Variants in EIF3M observed in about 807,000 individuals in gnomAD.
EIF3M encodes the protein B5 receptor.
A neutral mutation model predicts 49.7 loss-of-function variants in EIF3M; 25 were observed. That is an observed-to-expected ratio of 0.50 (90% CI 0.37 to 0.70). EIF3M has a LOEUF of 0.70. EIF3M is among the 30% of genes least tolerant of loss of function. The pLI is 0.00. For synonymous variants in EIF3M, 156 were observed against 149.8 expected, an observed-to-expected ratio of 1.04 and a Z score of -0.30; for missense variants, 350 against 440.0, an observed-to-expected ratio of 0.80 and a Z score of 1.83.
intron 8 of EIF3M, among the ~76,000 whole-genome samples, chr11:32,599,148 C>G (rs990215786): frequency 5.3e-5 from 8 of 152,056 alleles, no homozygotes; most frequent in Admixed American, 4.6e-4. Flanking sequence ...ACACTGACAA[C>G]TTAGGCCAAC....
At chr11:32,595,139 A>G (rs1469233270) in intron 7 of EIF3M, 126 bp downstream of exon 7, 14 of 770,564 alleles carry the variant, frequency 1.8e-5, no homozygotes, top group Non-Finnish European at 2.7e-5. Flanking sequence ...ATTAAGAACT[A>G]TGTATTCTTT....
chr11:32,598,287 G>C (rs990086700), intron 8 of EIF3M, among the ~76,000 whole-genome samples: 2 of 151,982 alleles, frequency 1.3e-5, no homozygotes, highest in African/African-American at 2.4e-5. Context: ...TTAAGACAGG[G>C]GTCAGTGACA....
chr11:32,602,582 T>C lies in EIF3M; in HGVS notation c.*183T>C, dbSNP rs1855287663. 28 of 810,842 alleles carry C rather than the reference T, an allele frequency of 3.5e-5. No individual in the cohort carries two copies. The South Asian group carries it at 5.4e-4, about 16-fold the overall frequency. The allele number at this position is 810,842 out of a possible 1,614,324, so 50.2% of individuals were successfully genotyped here. The stretch of plus-strand genomic sequence containing the variant: ...GTCACAATGTCTGTCATACAATACA[T>C]AAATTCTGTTCTTTAAAAAAGGATA... On this transcript the variant is annotated 3_prime_UTR_variant, in exon 11 of 11. Coordinates refer to ENST00000531120, the MANE Select transcript of EIF3M (RefSeq NM_006360.6).
Position 32,604,433 on chromosome 11 carries a change from C to T in EIF3M, c.*2034C>T, listed in dbSNP as rs189214636. ...GTGTTTTAGTTGAAAGGGATATACA[C>T]GTGTATTTTAGAAATATGAAACAGG... On this transcript the variant is annotated 3_prime_UTR_variant, in exon 11 of 11. Transcript: ENST00000531120. 14 of 152,224 alleles carry T rather than the reference C, an allele frequency of 9.2e-5. No individual in the cohort carries two copies. Among genetic ancestry groups the T allele is most frequent in the Admixed American group, 3.9e-4 (6 of 15,296 alleles). The allele number at this position is 152,224 out of a possible 1,614,324, so 9.4% of individuals were successfully genotyped here. A position where few individuals can be genotyped will look rare whatever the true frequency, so the allele number is the denominator to read the frequency against.
chr11:32,594,713 A>G, intron 6 of EIF3M: 1 of 407,546 alleles, frequency 2.5e-6, no homozygotes, highest in Non-Finnish European at 4.4e-6. Context: ...TACAATTAAT[A>G]TATTTCATTT....
At chr11:32,600,557 A>G (rs1476255564) in intron 8 of EIF3M, 132 bp from the exon 9 acceptor site, 46 of 1,121,760 alleles carry the variant, frequency 4.1e-5, no homozygotes, top group Non-Finnish European at 4.9e-5. Flanking sequence ...AAATTGTTCT[A>G]TATAAGTGCT....
intron 8 of EIF3M, 99 bp from the exon 9 acceptor site, chr11:32,600,590 C>A (rs933791406): frequency 7.5e-7 from 1 of 1,326,700 alleles, no homozygotes; most frequent in Admixed American, 3.4e-5. Flanking sequence ...TCCACAATTA[C>A]AAAAGTAAAA....
intron 8 of EIF3M, among the ~76,000 whole-genome samples, chr11:32,598,797 G>A (rs1255180988): frequency 6.6e-6 from 1 of 151,888 alleles, no homozygotes; most frequent in Admixed American, 6.6e-5. Flanking sequence ...TATTGAAAGA[G>A]AGTTGTCTGT....
At chr11:32,592,478 G>A in intron 5 of EIF3M, 1 of 528,198 alleles carries the variant, frequency 1.9e-6, no homozygotes, top group Admixed American at 2.1e-5. Context: ...TGTTGGATGG[G>A]CACTGGGCTT....
chr11:32,586,062 T>G (rs533317198), intron 1 of EIF3M, among the ~76,000 whole-genome samples: 2 of 152,278 alleles, frequency 1.3e-5, no homozygotes, highest in East Asian at 3.9e-4. Context: ...AAACCCTGCC[T>G]CTACTAAAAA....
rs1401439473 is a variant in EIF3M at position 32,603,976 on chromosome 11, A to G, written c.*1577A>G. On this transcript the variant is annotated 3_prime_UTR_variant, in exon 11 of 11. Coordinates refer to ENST00000531120, the MANE Select transcript of EIF3M (RefSeq NM_006360.6). ...CAGCTCCTCGGAGGGCTGAGGTGCA[A>G]GGATCATTTGAGCCCAGGAGGTGAA... The G allele has an allele frequency of 1.3e-5, 2 of 152,260 alleles. No individual in the cohort carries two copies. Among genetic ancestry groups the G allele is most frequent in the Non-Finnish European group, 2.9e-5 (2 of 68,084 alleles). The allele number at this position is 152,260 out of a possible 1,614,324, so 9.4% of individuals were successfully genotyped here. A position where few individuals can be genotyped will look rare whatever the true frequency, so the allele number is the denominator to read the frequency against.
intron 5 of EIF3M, chr11:32,591,910 C>A: frequency 7.5e-6 from 2 of 267,696 alleles, no homozygotes; most frequent in South Asian, 9.5e-5. Flanking sequence ...TATCCAAAAT[C>A]ATTATAGTTC....
chr11:32,588,017 C>G (rs1855026817), intron 2 of EIF3M, among the ~76,000 whole-genome samples: 1 of 152,178 alleles, frequency 6.6e-6, no homozygotes, highest in Admixed American at 6.5e-5. Context: ...ATACCAGTAA[C>G]TTCCAAATGA....
intron 5 of EIF3M, chr11:32,592,274 TAA>T (rs1358238724): frequency 4.2e-6 from 2 of 476,168 alleles, no homozygotes; most frequent in Non-Finnish European, 8.0e-6. Flanking sequence ...TAACGCCTGT[TAA>T]TAGAGTGTTA....
In EIF3M at chr11:32,602,361, A is replaced by G. The variant is rs1565052290; in HGVS notation, c.1087A>G (p.Lys363Glu). The change falls in exon 11 of 11, where the codon AAA becomes GAA. Residue 363 changes from lysine (K) to glutamate (E), a missense_variant. Lys to Glu is a moderately conservative substitution (Grantham distance 56, BLOSUM62 1). Transcript: ENST00000531120. ...TLNAWKQNLN[K>E]VKNSLLSLSD... Reference sequence around the variant, plus strand: ...TAATGCCTGGAAACAAAATCTGAACAAAGTGAAAAACAGCCTTTTGAGTCT... The same window carrying G: ...TAATGCCTGGAAACAAAATCTGAACGAAGTGAAAAACAGCCTTTTGAGTCT... 2 of 1,612,486 alleles carry G rather than the reference A, an allele frequency of 1.2e-6. No individual in the cohort carries two copies. Among genetic ancestry groups the G allele is most frequent in the Non-Finnish European group, 1.7e-6 (2 of 1,178,954 alleles).
At chr11:32,602,236 C>T in intron 10 of EIF3M, 43 bp from the exon 11 acceptor site, 1 of 1,592,280 alleles carries the variant, frequency 6.3e-7, no homozygotes, top group Non-Finnish European at 8.6e-7. Flanking sequence ...ATACCAGAGG[C>T]TAAAAGGTTG....
At chr11:32,588,828 C>G in intron 3 of EIF3M, 96 bp downstream of exon 3, 2 of 1,574,860 alleles carry the variant, frequency 1.3e-6, no homozygotes, top group East Asian at 2.2e-5. Flanking sequence ...GAACTTGACT[C>G]TCAGCTGTGG....
intron 1 of EIF3M, 119 bp downstream of exon 1, chr11:32,584,048 C>A: frequency 7.4e-7 from 1 of 1,349,352 alleles, no homozygotes; most frequent in Non-Finnish European, 1.0e-6. Context: ...GTTCTACACG[C>A]GAGAATGGGG....
intron 8 of EIF3M, among the ~76,000 whole-genome samples, chr11:32,599,463 G>A (rs1006279414): frequency 2.4e-4 from 36 of 151,700 alleles, no homozygotes; most frequent in African/African-American, 8.2e-4. Context: ...TATGTTAATG[G>A]GCTTCCCTAA....
Sources: allele counts gnomAD v4.1 joint callset (sites outside exome capture counted in the v4.1 genomes callset), GRCh38; gene constraint gnomAD v4.1.1; transcripts MANE v1.5; gene names NCBI Gene and HGNC (gene_info 2026-07-23, HGNC 2026-07-21).